RBFOX1: variants seen among roughly 807,000 people sequenced by gnomAD.
RBFOX1 encodes RNA binding fox-1 homolog 1.
Under a neutral mutation model 57.7 loss-of-function variants are expected in RBFOX1, and 8 were observed. The observed-to-expected ratio is 0.14, with a 90% CI of 0.08 to 0.25. The LOEUF (loss-of-function observed/expected upper bound fraction) is 0.25, where lower values mean the gene tolerates loss of function less well. Ranked by LOEUF, RBFOX1 falls within the 10% of genes least tolerant of loss-of-function variation. The pLI is 1.00. For synonymous variants in RBFOX1, 326 were observed against 222.4 expected (o/e 1.47, Z -4.15); for missense variants, 611 against 548.5 (o/e 1.11, Z -1.14).
intron 2 of RBFOX1, among the ~76,000 whole-genome samples, chr16:6,358,618 A>G (rs1485973694): frequency 1.3e-5 from 2 of 152,196 alleles, no homozygotes; most frequent in African/African-American, 4.8e-5. Context: ...GATTATGTCT[A>G]ATCCTCCCAA....
intron 2 of RBFOX1, among the ~76,000 whole-genome samples, chr16:6,590,459 A>G (rs901702453): frequency 5.9e-5 from 9 of 152,160 alleles, no homozygotes; most frequent in Non-Finnish European, 1.2e-4. Flanking sequence ...TTTACACAGT[A>G]GCAGGCCTGT....
At chr16:6,266,241 A>G (rs900554723) in intron 1 of RBFOX1, among the ~76,000 whole-genome samples, 7 of 152,182 alleles carry the variant, frequency 4.6e-5, no homozygotes, top group African/African-American at 1.7e-4. Flanking sequence ...AAAGACAGCC[A>G]ACACATAGCC....
At chr16:6,833,560 G>C (rs2092867996) in intron 3 of RBFOX1, among the ~76,000 whole-genome samples, 1 of 152,130 alleles carries the variant, frequency 6.6e-6, no homozygotes, top group South Asian at 2.1e-4. Context: ...CTGACAGTCT[G>C]ACCGATCATT....
intron 4 of RBFOX1, among the ~76,000 whole-genome samples, chr16:7,171,071 G>T (rs1033645709): frequency 3.9e-4 from 59 of 152,086 alleles, no homozygotes; most frequent in African/African-American, 1.4e-3. Flanking sequence ...CTTATTTCTT[G>T]TTGGAGGTCC....
At chr16:6,224,551 G>C (rs1295735892) in intron 1 of RBFOX1, among the ~76,000 whole-genome samples, 1 of 152,122 alleles carries the variant, frequency 6.6e-6, no homozygotes, top group East Asian at 1.9e-4. Flanking sequence ...TATTTTTAAA[G>C]TCACTGCAGT....
At chr16:6,539,204 A>C (rs894508697) in intron 2 of RBFOX1, among the ~76,000 whole-genome samples, 2 of 152,032 alleles carry the variant, frequency 1.3e-5, no homozygotes, top group African/African-American at 4.8e-5. Flanking sequence ...ATTGTGCAGT[A>C]TGATGGAGGC....
At chr16:6,862,516 A>G (rs950088922) in intron 3 of RBFOX1, among the ~76,000 whole-genome samples, 7 of 152,248 alleles carry the variant, frequency 4.6e-5, no homozygotes, top group Non-Finnish European at 7.3e-5. Context: ...TGCCCAGGCA[A>G]CCAGCAGAAT....
chr16:6,091,296 C>G (rs1038422044), intron 1 of RBFOX1, among the ~76,000 whole-genome samples: 2 of 152,134 alleles, frequency 1.3e-5, no homozygotes, highest in African/African-American at 2.4e-5. Context: ...TTCTCCTGGT[C>G]CATGAAGTCT....
At chr16:6,992,633 C>T (rs1269835162) in intron 3 of RBFOX1, among the ~76,000 whole-genome samples, 1 of 151,984 alleles carries the variant, frequency 6.6e-6, no homozygotes, top group Admixed American at 6.6e-5. Context: ...GGTAAGAAGG[C>T]AGTTAAGGAT....
At chr16:6,871,315 A>G (rs1275938178) in intron 3 of RBFOX1, among the ~76,000 whole-genome samples, 1 of 152,104 alleles carries the variant, frequency 6.6e-6, no homozygotes, top group Admixed American at 6.5e-5. Context: ...CTTCCTGAGT[A>G]GCTGGGATTA....
At chr16:6,111,684 AAGG>A in intron 1 of RBFOX1, among the ~76,000 whole-genome samples, 1 of 152,302 alleles carries the variant, frequency 6.6e-6, no homozygotes, top group East Asian at 1.9e-4. Flanking sequence ...GCAGTATTTC[AAGG>A]AGTTTAATTC....
chr16:6,280,282 C>T (rs952975927), intron 1 of RBFOX1, among the ~76,000 whole-genome samples: 17 of 152,164 alleles, frequency 1.1e-4, no homozygotes, highest in Non-Finnish European at 1.9e-4. Flanking sequence ...CCGCCTCCCT[C>T]CGTCCTCGCT....
chr16:7,586,233 G>A lies in RBFOX1; in HGVS notation c.415-1014G>A, dbSNP rs545418787. Among the ~76,000 whole-genome samples, 13 of 152,132 alleles carry A rather than the reference G, an allele frequency of 8.5e-5. No homozygotes were observed. In the East Asian group the frequency reaches 1.2e-3, roughly 14 times the overall value. ...ACATTACCCTCTCTCTCAGTTGCTC[G>A]TACTTATGCAGGTTAGGCTACTGTA... On this transcript the variant is annotated intron_variant, in intron 6 of 15. Coordinates refer to ENST00000550418, the MANE Select transcript of RBFOX1 (RefSeq NM_018723.4).
intron 4 of RBFOX1, among the ~76,000 whole-genome samples, chr16:7,450,002 G>C (rs141804088): frequency 2.1e-4 from 32 of 152,304 alleles, no homozygotes; most frequent in East Asian, 5.8e-4. Flanking sequence ...CTCCGGGCCA[G>C]TATTCAGGAG....
At chr16:6,692,123 TTAAG>T (rs1444163352) in intron 3 of RBFOX1, among the ~76,000 whole-genome samples, 1 of 152,216 alleles carries the variant, frequency 6.6e-6, no homozygotes, top group Non-Finnish European at 1.5e-5. Context: ...GTAAGTTTAA[TTAAG>T]TAAGTTAGTG....
chr16:7,370,428 C>A (rs1433697465), intron 4 of RBFOX1, among the ~76,000 whole-genome samples: 3 of 152,158 alleles, frequency 2.0e-5, no homozygotes, highest in African/African-American at 4.8e-5. Flanking sequence ...CCAATTATAT[C>A]TGCCAGGAAT....
chr16:7,251,903 A>G (rs544539231), intron 4 of RBFOX1, among the ~76,000 whole-genome samples: 7 of 152,074 alleles, frequency 4.6e-5, no homozygotes, highest in East Asian at 1.9e-4. Context: ...TTTTTAAGGA[A>G]CCTCCATACC....
At chr16:5,529,875 C>G (rs1214780769) in intron 2 of RBFOX1, among the ~76,000 whole-genome samples, 1 of 152,046 alleles carries the variant, frequency 6.6e-6, no homozygotes, top group Non-Finnish European at 1.5e-5. Context: ...TCCTCAGTGT[C>G]CTTTTAAATG....
At chr16:5,527,770 GA>G (rs2044302415) in intron 2 of RBFOX1, among the ~76,000 whole-genome samples, 1 of 152,132 alleles carries the variant, frequency 6.6e-6, no homozygotes. Context: ...GCATCTAAGG[GA>G]CGATCTTTGA....
Sources: gnomAD v4.1 joint callset for allele counts (sites outside exome capture counted in the v4.1 genomes callset) on GRCh38, gnomAD v4.1.1 for gene constraint, MANE v1.5 for transcripts, NCBI Gene and HGNC (gene_info 2026-07-23, HGNC 2026-07-21) for gene names.